MAGT1: variants seen among roughly 807,000 people sequenced by gnomAD.
MAGT1 encodes the protein magnesium transporter 1.
A neutral mutation model predicts 28.4 loss-of-function variants in MAGT1; 4 were observed. That is an observed-to-expected ratio of 0.14 (90% confidence interval 0.07 to 0.32). The LOEUF (loss-of-function observed/expected upper bound fraction) is 0.32. Ranked by LOEUF, MAGT1 falls within the 10% of genes least tolerant of loss-of-function variation. The pLI, the probability that MAGT1 is intolerant of heterozygous loss-of-function variation, is 1.00. For missense variants in MAGT1, 193 were observed against 264.5 expected, an observed-to-expected ratio of 0.73 and a Z score of 1.88; for synonymous variants, 89 against 89.7, an observed-to-expected ratio of 0.99 and a Z score of 0.04.
At chrX:77,891,710 G>T (rs1270830572) in intron 1 of MAGT1, among the ~76,000 whole-genome samples, 1 of 111,477 alleles carries the variant, frequency 9.0e-6, no homozygotes, top group Non-Finnish European at 1.9e-5. Flanking sequence ...CAGGAGGATT[G>T]CTGGAGGCCA....
intron 3 of MAGT1, among the ~76,000 whole-genome samples, chrX:77,862,736 T>C (rs1193406477): frequency 2.7e-5 from 3 of 111,517 alleles, no homozygotes; most frequent in Non-Finnish European, 5.6e-5. Flanking sequence ...CCATTATTAT[T>C]ATTATTAGAA....
chrX:77,895,431 T>C lies in MAGT1; in HGVS notation c.-21A>G. 8.3e-7 allele frequency: 1 copy of C among 1,208,436 alleles called. No individual in the cohort carries two copies. Among genetic ancestry groups the C allele is most frequent in the Non-Finnish European group, 1.1e-6 (1 of 893,470 alleles). On this transcript the variant is annotated 5_prime_UTR_variant, in exon 1 of 10. Coordinates refer to ENST00000618282, the MANE Select transcript of MAGT1 (RefSeq NM_001367916.1). ...GCCATGTTCGCTCCTCTCCCTTCTA[T>C]AAGTGAAACTTTGCTCCGGCTAGGT...
intron 3 of MAGT1, among the ~76,000 whole-genome samples, chrX:77,858,341 C>T (rs1292637433): frequency 9.0e-6 from 1 of 110,617 alleles, no homozygotes; most frequent in Non-Finnish European, 1.9e-5. Context: ...CAGGTATGTG[C>T]CACCACACCC....
chrX:77,885,506 G>C (rs2077065345), intron 1 of MAGT1: 2 of 105,296 alleles, frequency 1.9e-5, no homozygotes, highest in South Asian at 8.7e-4. Flanking sequence ...CTGGGCGACA[G>C]AGCGAGACTC....
chrX:77,829,831 G>A (rs1277134319), intron 9 of MAGT1, among the ~76,000 whole-genome samples: 2 of 111,807 alleles, frequency 1.8e-5, no homozygotes, highest in African/African-American at 6.5e-5. Flanking sequence ...TCAAAAGGAA[G>A]TATAATATGC....
At position 77,850,932 on chromosome X, in the gene MAGT1, A is replaced by C. The variant is rs1378363647; in HGVS notation, c.826+2969T>G. 2.7e-5 allele frequency among the ~76,000 whole-genome samples: 3 copies of C among 110,900 alleles called. No individual in the cohort carries two copies. The East Asian group carries it at 8.4e-4, about 31-fold the overall frequency. ...TACTGAAAATTTTCTAAGGTATAATAATTTGTTAATCCATCAAACCATACT... is the reference window on the plus strand; with the variant it reads ...TACTGAAAATTTTCTAAGGTATAATCATTTGTTAATCCATCAAACCATACT... On this transcript the variant is annotated intron_variant, in intron 7 of 9. Coordinates refer to ENST00000618282, the MANE Select transcript of MAGT1 (RefSeq NM_001367916.1).
intron 1 of MAGT1, chrX:77,885,377 G>C (rs984790271): frequency 9.2e-6 from 1 of 108,227 alleles, no homozygotes; most frequent in African/African-American, 3.3e-5. Flanking sequence ...ACAAAAATTA[G>C]CTAGGCGTGG....
rs113220632 is a variant in MAGT1 at position 77,869,507 on chromosome X, A to T, written c.390+1301T>A. ...AAAATATTTGCAAACTGTGCATCTG[A>T]CAAAGGACTAATATCCAGAATCTAC... On this transcript the variant is annotated intron_variant, in intron 3 of 9. Transcript: ENST00000618282. Among the ~76,000 whole-genome samples, 206 of 112,243 alleles carry T rather than the reference A, an allele frequency of 1.8e-3. 2 individuals carry two copies. The highest frequency in any genetic ancestry group is 6.2e-3 in the African/African-American group (193 of 31,021).
intron 8 of MAGT1, among the ~76,000 whole-genome samples, chrX:77,834,234 G>GTA (rs782713753): frequency 9.9e-5 from 8 of 80,526 alleles, no homozygotes; most frequent in Non-Finnish European, 2.0e-4. Flanking sequence ...ATGCATATAT[G>GTA]TATATATATG....
intron 3 of MAGT1, among the ~76,000 whole-genome samples, chrX:77,865,378 C>T (rs905000290): frequency 2.7e-5 from 3 of 110,743 alleles, no homozygotes; most frequent in African/African-American, 9.8e-5. Context: ...CAAGCTCCGC[C>T]TCCCGGGTTC....
At chrX:77,881,059 G>C (rs1557218382) in intron 1 of MAGT1, among the ~76,000 whole-genome samples, 1 of 109,397 alleles carries the variant, frequency 9.1e-6, no homozygotes, top group African/African-American at 3.3e-5. Context: ...GGCTGTGGGA[G>C]AGAATGAACC....
At chrX:77,851,674 G>T (rs1196153267) in intron 7 of MAGT1, among the ~76,000 whole-genome samples, 7 of 107,727 alleles carry the variant, frequency 6.5e-5, no homozygotes, top group Non-Finnish European at 1.2e-4. Context: ...ACGCCTGGCC[G>T]TCTGGCTAAG....
At chrX:77,876,162 A>ATT (rs1485724526) in intron 1 of MAGT1, among the ~76,000 whole-genome samples, 3 of 37,969 alleles carry the variant, frequency 7.9e-5, no homozygotes, top group Non-Finnish European at 1.3e-4. Flanking sequence ...ATATATATAT[A>ATT]TATTTTTTTT....
chrX:77,888,478 T>A (rs1557219173), intron 1 of MAGT1, among the ~76,000 whole-genome samples: 1 of 111,544 alleles, frequency 9.0e-6, no homozygotes, highest in African/African-American at 3.3e-5. Context: ...TAGAAATCTA[T>A]AACTATAAGA....
intron 3 of MAGT1, among the ~76,000 whole-genome samples, chrX:77,869,812 T>G (rs1230543604): frequency 9.0e-6 from 1 of 111,227 alleles, no homozygotes; most frequent in Non-Finnish European, 1.9e-5. Flanking sequence ...GAATGTAAAC[T>G]AGTACAACCA....
At chrX:77,847,742 G>A (rs1415589780) in intron 7 of MAGT1, among the ~76,000 whole-genome samples, 2 of 108,786 alleles carry the variant, frequency 1.8e-5, no homozygotes, top group Non-Finnish European at 3.8e-5. Flanking sequence ...TCCTGAGTAA[G>A]CTGGGATTAC....
chrX:77,834,253 T>TAC lies in MAGT1; in HGVS notation c.902-3360_902-3359dup, dbSNP rs1287941896. ...ATATATGTATATATATGCATATATA[T>TAC]ACATGTGTGTATATATGCATATATG... On this transcript the variant is annotated intron_variant, in intron 8 of 9. Transcript: ENST00000618282. Among the ~76,000 whole-genome samples the TAC allele has an allele frequency of 1.0e-4, 6 of 59,862 alleles. No individual in the cohort carries two copies. The East Asian group carries it at 1.4e-3, about 14-fold the overall frequency. The allele number at this position is 59,862 out of a possible 115,157, so 52.0% of individuals were successfully genotyped here.
At chrX:77,847,854 C>A (rs781972841) in intron 7 of MAGT1, among the ~76,000 whole-genome samples, 48 of 110,901 alleles carry the variant, frequency 4.3e-4, no homozygotes, top group African/African-American at 1.6e-3. Flanking sequence ...TCAGGTGATT[C>A]ACTCACCTCA....
At chrX:77,839,510 AT>A (rs35868006) in intron 8 of MAGT1, among the ~76,000 whole-genome samples, 39 of 80,338 alleles carry the variant, frequency 4.9e-4, no homozygotes, top group Middle Eastern at 6.4e-3. Flanking sequence ...CGCCTGGCTA[AT>A]TTTTTTTTTT....
Sources: gnomAD v4.1 joint callset for allele counts (sites outside exome capture counted in the v4.1 genomes callset) on GRCh38, gnomAD v4.1.1 for gene constraint, MANE v1.5 for transcripts, NCBI Gene and HGNC (gene_info 2026-07-23, HGNC 2026-07-21) for gene names.